Variants in SPAG16 observed in about 807,000 individuals in gnomAD.
The protein encoded by SPAG16 is sperm associated antigen 16, also known as sperm-associated antigen 16 protein.
A neutral mutation model predicts 80.4 loss-of-function variants in SPAG16; 86 were observed. The ratio of observed to expected loss-of-function variants is 1.07; its 90% confidence interval spans 0.90 to 1.28. The LOEUF is 1.28. Among genes scored for constraint, SPAG16 ranks in the 50% most tolerant of loss-of-function variants. The pLI is 0.00. For synonymous variants in SPAG16, 294 were observed against 265.9 expected (o/e 1.11, Z -1.03); for missense variants, 870 against 765.3 (o/e 1.14, Z -1.61).
intron 15 of SPAG16, among the ~76,000 whole-genome samples, chr2:214,325,236 C>T (rs1299790062): frequency 6.6e-6 from 1 of 152,122 alleles, no homozygotes; most frequent in Non-Finnish European, 1.5e-5. Context: ...TACTACTTAC[C>T]AGGGATCTTG....
intron 15 of SPAG16, among the ~76,000 whole-genome samples, chr2:214,254,891 G>A (rs903178028): frequency 1.3e-5 from 2 of 151,758 alleles, no homozygotes; most frequent in East Asian, 1.9e-4. Flanking sequence ...TCTTTTAACT[G>A]AAGGATGTAA....
chr2:213,483,929 C>T (rs921846042), intron 9 of SPAG16, among the ~76,000 whole-genome samples: 1 of 152,130 alleles, frequency 6.6e-6, no homozygotes, highest in African/African-American at 2.4e-5. Flanking sequence ...ATAAATCTAA[C>T]CATTTCCTAT....
intron 11 of SPAG16, among the ~76,000 whole-genome samples, chr2:213,915,996 G>T (rs1377834595): frequency 6.6e-6 from 1 of 152,076 alleles, no homozygotes; most frequent in East Asian, 1.9e-4. Context: ...TAAGTTCCTT[G>T]TAGATTCTGG....
chr2:213,615,280 T>C (rs2061554781), intron 10 of SPAG16, among the ~76,000 whole-genome samples: 1 of 152,348 alleles, frequency 6.6e-6, no homozygotes, highest in South Asian at 2.1e-4. Flanking sequence ...GAGATTTTGC[T>C]CATTGTAGCT....
intron 10 of SPAG16, among the ~76,000 whole-genome samples, chr2:213,767,213 A>G (rs2068982751): frequency 6.6e-6 from 1 of 152,190 alleles, no homozygotes; most frequent in Non-Finnish European, 1.5e-5. Flanking sequence ...AGTTGTCTTA[A>G]CACGCATTAT....
At chr2:213,287,130 G>A (rs2062084945) in intron 1 of SPAG16, among the ~76,000 whole-genome samples, 1 of 152,204 alleles carries the variant, frequency 6.6e-6, no homozygotes, top group South Asian at 2.1e-4. Context: ...GAGTTATGGA[G>A]TATATGAATC....
At chr2:213,548,082 A>G (rs890801647) in intron 10 of SPAG16, among the ~76,000 whole-genome samples, 18 of 152,236 alleles carry the variant, frequency 1.2e-4, no homozygotes, top group Non-Finnish European at 1.5e-5. Flanking sequence ...CAGAAGAGGA[A>G]TTACTGAATG....
chr2:214,192,577 T>C (rs2057697688), intron 15 of SPAG16, among the ~76,000 whole-genome samples: 1 of 152,148 alleles, frequency 6.6e-6, no homozygotes, highest in Admixed American at 6.6e-5. Context: ...TCTTTTCTCT[T>C]TGTCATATAC....
intron 15 of SPAG16, among the ~76,000 whole-genome samples, chr2:214,320,767 GTC>G (rs1696040882): frequency 6.6e-6 from 1 of 152,154 alleles, no homozygotes; most frequent in Non-Finnish European, 1.5e-5. Context: ...CCTCCACCTG[GTC>G]TCTCCCTTGA....
At chr2:213,309,238 G>C (rs1392391287) in intron 3 of SPAG16, among the ~76,000 whole-genome samples, 1 of 152,088 alleles carries the variant, frequency 6.6e-6, no homozygotes, top group African/African-American at 2.4e-5. Flanking sequence ...ACTATCTCAT[G>C]TAGTGCAAAT....
chr2:213,475,333 G>C (rs1432003427), intron 9 of SPAG16, among the ~76,000 whole-genome samples: 1 of 152,088 alleles, frequency 6.6e-6, no homozygotes, highest in East Asian at 1.9e-4. Context: ...AGCAAGGCTT[G>C]GACCTGCCTA....
At chr2:214,121,816 A>T (rs1284250999) in intron 14 of SPAG16, among the ~76,000 whole-genome samples, 1 of 151,878 alleles carries the variant, frequency 6.6e-6, no homozygotes, top group Non-Finnish European at 1.5e-5. Flanking sequence ...GTATAAAATT[A>T]CCTTCAGTCT....
intron 15 of SPAG16, among the ~76,000 whole-genome samples, chr2:214,279,333 G>T (rs1692719001): frequency 6.6e-6 from 1 of 152,100 alleles, no homozygotes; most frequent in South Asian, 2.1e-4. Context: ...TTGACCTTGT[G>T]ATCCGCCCTC....
At chr2:213,918,403 GT>G (rs35219722) in intron 11 of SPAG16, among the ~76,000 whole-genome samples, 39,706 of 151,828 alleles carry the variant, frequency 0.26, 5,447 homozygotes, top group East Asian at 0.4. Context: ...CTGGTCCTGG[GT>G]TTTTTTCTGG....
At chr2:213,806,077 T>C (rs2071750216) in intron 10 of SPAG16, among the ~76,000 whole-genome samples, 1 of 152,194 alleles carries the variant, frequency 6.6e-6, no homozygotes, top group Admixed American at 6.5e-5. Flanking sequence ...TGATATAAAA[T>C]TGATGGTTTC....
chr2:214,118,040 T>C (rs1193018924), intron 14 of SPAG16, among the ~76,000 whole-genome samples: 2 of 152,134 alleles, frequency 1.3e-5, no homozygotes, highest in East Asian at 1.9e-4. Flanking sequence ...CGCATCCAAA[T>C]TGGAAAGGAG....
chr2:213,718,829 C>A (rs1223887120), intron 10 of SPAG16, among the ~76,000 whole-genome samples: 1 of 152,212 alleles, frequency 6.6e-6, no homozygotes, highest in African/African-American at 2.4e-5. Context: ...CCACCCCCTA[C>A]TCCACGGCGC....
rs146975441 is a variant in SPAG16 at position 213,869,980 on chromosome 2, T to C, written c.1214+7352T>C. On this transcript the variant is annotated intron_variant, in intron 11 of 15. Transcript: ENST00000331683. ...GTTACCTTTTAAACAGCAACTACCA[T>C]ATGTCAAGTATTGCAATTGTACGTA... 3.8e-3 allele frequency among the ~76,000 whole-genome samples: 575 copies of C among 152,308 alleles called. 6 individuals carry two copies. The highest frequency in any genetic ancestry group is 0.01 in the Middle Eastern group (3 of 294).
At chr2:214,042,848 G>A (rs1318037635) in intron 13 of SPAG16, among the ~76,000 whole-genome samples, 2 of 152,122 alleles carry the variant, frequency 1.3e-5, no homozygotes, top group Non-Finnish European at 2.9e-5. Context: ...TTAGAGGGAA[G>A]TTTTGATGAA....
Sources: allele counts gnomAD v4.1 joint callset (sites outside exome capture counted in the v4.1 genomes callset), GRCh38; gene constraint gnomAD v4.1.1; transcripts MANE v1.5; gene names NCBI Gene and HGNC (gene_info 2026-07-23, HGNC 2026-07-21).